The following SENP8 variants were observed in gnomAD, a reference collection of about 807,000 sequenced individuals.
The protein encoded by SENP8 is SUMO peptidase family member, NEDD8 specific.
In SENP8, 10 loss-of-function variants were observed where a neutral mutation model predicts 14.4. That is an observed-to-expected ratio of 0.69 (90% confidence interval 0.43 to 1.18). The LOEUF (loss-of-function observed/expected upper bound fraction) is 1.18, where lower values mean the gene tolerates loss of function less well. SENP8 is among the 50% of genes most tolerant of loss of function. The pLI, the probability that SENP8 is intolerant of heterozygous loss-of-function variation, is 0.00. For synonymous variants in SENP8, 94 were observed against 95.5 expected (o/e 0.98, Z 0.09); for missense variants, 202 against 249.4 (o/e 0.81, Z 1.28).
rs1037132957 is a variant in SENP8, at chr15:72,141,464, G to T, written c.*1202G>T. The T allele has an allele frequency of 6.6e-6, 1 of 152,118 alleles. No homozygotes were observed. Among genetic ancestry groups the T allele is most frequent in the African/African-American group, 2.4e-5 (1 of 41,400 alleles). The allele number at this position is 152,118 out of a possible 1,614,324, so 9.4% of individuals were successfully genotyped here. A position where few individuals can be genotyped will look rare whatever the true frequency, so the allele number is the denominator to read the frequency against. On this transcript the variant is annotated 3_prime_UTR_variant, in exon 2 of 2. Coordinates refer to ENST00000340912, the MANE Select transcript of SENP8 (RefSeq NM_145204.4). ...CACAAATTAATTCTATTCCTAATGAGAATTAGATTGCAAGGCCTATGAGAC... is the reference window on the plus strand; with the variant it reads ...CACAAATTAATTCTATTCCTAATGATAATTAGATTGCAAGGCCTATGAGAC...
chr15:72,124,192 CTGAG>C (rs1304221569), intron 1 of SENP8, among the ~76,000 whole-genome samples: 1 of 152,072 alleles, frequency 6.6e-6, no homozygotes, highest in Non-Finnish European at 1.5e-5. Context: ...TTGTGTTTTC[CTGAG>C]TTTTTCAAGA....
At chr15:72,128,628 A>T (rs2081242556) in intron 1 of SENP8, among the ~76,000 whole-genome samples, 1 of 152,246 alleles carries the variant, frequency 6.6e-6, no homozygotes, top group African/African-American at 2.4e-5. Flanking sequence ...TAAATGTTTT[A>T]AGTCAATGAT....
At chr15:72,137,929 G>A (rs1047420029) in intron 1 of SENP8, among the ~76,000 whole-genome samples, 27 of 151,362 alleles carry the variant, frequency 1.8e-4, no homozygotes, top group African/African-American at 5.8e-4. Flanking sequence ...CCAGGATCGC[G>A]CCACTGCACT....
upstream of SENP8, among the ~76,000 whole-genome samples, chr15:72,116,486 G>A (rs1043900783): frequency 2.6e-5 from 4 of 152,144 alleles, no homozygotes; most frequent in African/African-American, 9.7e-5. Context: ...AGTGAACACT[G>A]CATGATTTCT....
chr15:72,129,276 A>T (rs985796087), intron 1 of SENP8, among the ~76,000 whole-genome samples: 2 of 152,104 alleles, frequency 1.3e-5, no homozygotes, highest in Non-Finnish European at 2.9e-5. Context: ...ACGCCTATCA[A>T]CCCAGCACTT....
At chr15:72,129,629 G>A (rs1235133778) in intron 1 of SENP8, among the ~76,000 whole-genome samples, 2 of 148,584 alleles carry the variant, frequency 1.3e-5, no homozygotes, top group African/African-American at 5.0e-5. Flanking sequence ...CACCCACCTC[G>A]GCCTCCCAAA....
At chr15:72,118,005 C>G (rs1405438817), upstream of SENP8, 1 of 398,666 alleles carries the variant, frequency 2.5e-6, no homozygotes, top group Admixed American at 4.4e-5. Flanking sequence ...CGCCGCCTCT[C>G]GCAGTCCGGG....
At chr15:72,119,933 C>G (rs1012105588) in intron 1 of SENP8, among the ~76,000 whole-genome samples, 59 of 152,204 alleles carry the variant, frequency 3.9e-4, no homozygotes, top group African/African-American at 1.4e-3. Flanking sequence ...TTACTTGTCT[C>G]TTTGCTCTCC....
In SENP8 at chr15:72,141,298, A is replaced by C. The variant is rs1287438166; in HGVS notation, c.*1036A>C. 1 of 152,356 alleles carries C rather than the reference A, an allele frequency of 6.6e-6. No homozygotes were observed. The highest frequency in any genetic ancestry group is 1.9e-4 in the East Asian group (1 of 5,190). 9.4% of individuals were successfully genotyped at this position (152,356 alleles called of 1,614,324 possible). ...TAAAGGAAGAAAAGTGACCTTTCTC[A>C]GCCCTTTTACTTAATTAAAAATGCA... On this transcript the variant is annotated 3_prime_UTR_variant, in exon 2 of 2. Coordinates refer to ENST00000340912, the MANE Select transcript of SENP8 (RefSeq NM_145204.4).
In SENP8 at chr15:72,142,547, C is replaced by G. The variant is rs913490552; in HGVS notation, c.*2285C>G. ...CTAAGCAATTATCAAACTGAACTAACCTGCTTTCAGATATCCTGTTGTATT... is the reference window on the plus strand; with the variant it reads ...CTAAGCAATTATCAAACTGAACTAAGCTGCTTTCAGATATCCTGTTGTATT... On this transcript the variant is annotated 3_prime_UTR_variant, in exon 2 of 2. Coordinates refer to ENST00000340912, the MANE Select transcript of SENP8 (RefSeq NM_145204.4). The G allele has an allele frequency of 6.6e-6, 1 of 152,132 alleles. No individual in the cohort carries two copies. Among genetic ancestry groups the G allele is most frequent in the African/African-American group, 2.4e-5 (1 of 41,416 alleles). 9.4% of individuals were successfully genotyped at this position (152,132 alleles called of 1,614,324 possible).
In SENP8 at chr15:72,142,509, T is replaced by A. The variant is rs1168785164; in HGVS notation, c.*2247T>A. On this transcript the variant is annotated 3_prime_UTR_variant, in exon 2 of 2. Coordinates refer to ENST00000340912, the MANE Select transcript of SENP8 (RefSeq NM_145204.4). The stretch of plus-strand genomic sequence containing the variant: ...AAAATATTCAAAAGGAAGGCAGGTT[T>A]TTCAAAACTGGGCTAAGCAATTATC... 1 of 152,166 alleles carries A rather than the reference T, an allele frequency of 6.6e-6. No homozygotes were observed. Among genetic ancestry groups the A allele is most frequent in the Non-Finnish European group, 1.5e-5 (1 of 68,040 alleles). The allele number at this position is 152,166 out of a possible 1,614,324, so 9.4% of individuals were successfully genotyped here. A position where few individuals can be genotyped will look rare whatever the true frequency, so the allele number is the denominator to read the frequency against.
intron 1 of SENP8, among the ~76,000 whole-genome samples, chr15:72,130,623 G>A (rs960313380): frequency 1.4e-5 from 2 of 147,796 alleles, no homozygotes; most frequent in African/African-American, 5.0e-5. Flanking sequence ...GAGTGCAATG[G>A]CGTGATCTCG....
chr15:72,129,912 C>A (rs1176050480), intron 1 of SENP8, among the ~76,000 whole-genome samples: 1 of 151,858 alleles, frequency 6.6e-6, no homozygotes, highest in African/African-American at 2.4e-5. Flanking sequence ...TCTGGCCAGG[C>A]ACCATAGCTC....
chr15:72,134,198 G>A (rs2081304922), intron 1 of SENP8, among the ~76,000 whole-genome samples: 1 of 152,102 alleles, frequency 6.6e-6, no homozygotes, highest in Non-Finnish European at 1.5e-5. Flanking sequence ...TGCCTGCCTT[G>A]GCCTTATGTT....
At chr15:72,121,118 CA>C (rs1208426899) in intron 1 of SENP8, among the ~76,000 whole-genome samples, 3 of 152,314 alleles carry the variant, frequency 2.0e-5, no homozygotes, top group Non-Finnish European at 1.5e-5. Context: ...TCTGGGGCAG[CA>C]ACCAGTACTA....
chr15:72,122,637 T>G (rs1290875805), intron 1 of SENP8, among the ~76,000 whole-genome samples: 1 of 152,230 alleles, frequency 6.6e-6, no homozygotes, highest in Non-Finnish European at 1.5e-5. Context: ...ATATTGACTT[T>G]CTGTCCATCA....
intron 1 of SENP8, among the ~76,000 whole-genome samples, chr15:72,132,045 T>TG (rs2081278262): frequency 6.6e-6 from 1 of 152,186 alleles, no homozygotes; most frequent in African/African-American, 2.4e-5. Flanking sequence ...CTACCTCATC[T>TG]TACAGATGAG....
intron 1 of SENP8, among the ~76,000 whole-genome samples, chr15:72,132,005 T>C (rs1047505909): frequency 2.0e-5 from 3 of 152,172 alleles, no homozygotes; most frequent in African/African-American, 7.2e-5. Context: ...ATGTTTTTAA[T>C]TCGTGTAACA....
chr15:72,130,624 C>A (rs182541071), intron 1 of SENP8, among the ~76,000 whole-genome samples: 2 of 134,086 alleles, frequency 1.5e-5, no homozygotes, highest in Non-Finnish European at 3.1e-5. Context: ...AGTGCAATGG[C>A]GTGATCTCGG....
Sources: gnomAD v4.1 joint callset for allele counts (sites outside exome capture counted in the v4.1 genomes callset) on GRCh38, gnomAD v4.1.1 for gene constraint, MANE v1.5 for transcripts, NCBI Gene and HGNC (gene_info 2026-07-23, HGNC 2026-07-21) for gene names.